Variants in ZBED6 observed in about 807,000 individuals in gnomAD.
ZBED6 encodes zinc finger BED-type containing 6, also known as zinc finger BED domain-containing protein 6.
A neutral mutation model predicts 58.4 loss-of-function variants in ZBED6; 40 were observed. The ratio of observed to expected loss-of-function variants is 0.68; its 90% CI spans 0.53 to 0.89. The LOEUF (loss-of-function observed/expected upper bound fraction) is 0.89. Among genes scored for constraint, ZBED6 ranks in the 40% least tolerant of loss-of-function variants. The probability of loss-of-function intolerance (pLI) is 0.00; values close to 1 mark genes in which losing one functional copy is unlikely to be tolerated. For missense variants in ZBED6, 1,057 were observed against 1,003.9 expected (o/e 1.05, Z -0.71); for synonymous variants, 439 against 350.6 (o/e 1.25, Z -2.82).
chr1:203,800,577 C>A, exon 1 of ZBED6: 2 of 911,646 alleles, frequency 2.2e-6, no homozygotes, highest in Non-Finnish European at 3.0e-6. Context: ...AACCTGAAAT[C>A]ACACAAGGGC....
chr1:203,852,321 G>A lies in ZBED6; in HGVS notation c.*5054G>A, dbSNP rs147044722. ...TATGGGAGATTTCAGGAGGCAAATT[G>A]GAAGCTGAGATTGACCTGGATCCTG... is the stretch of plus-strand genomic sequence containing the variant. On this transcript the variant is annotated 3_prime_UTR_variant, in exon 17 of 17. Coordinates refer to ENST00000550078, the Ensembl canonical transcript of ZBED6. 111 of 1,613,630 alleles carry A rather than the reference G, an allele frequency of 6.9e-5. No homozygotes were observed. In the African/African-American group the frequency reaches 1.3e-3, roughly 19 times the overall value.
chr1:203,821,360 A>C (rs1263980567), intron 3 of ZBED6, among the ~76,000 whole-genome samples: 1 of 152,072 alleles, frequency 6.6e-6, no homozygotes, highest in African/African-American at 2.4e-5. Context: ...CTTTATAGCA[A>C]TGTGAAAATG....
At chr1:203,800,282 T>C (rs1039871704) in exon 1 of ZBED6, 35 of 979,640 alleles carry the variant, frequency 3.6e-5, no homozygotes, top group Non-Finnish European at 5.3e-5. Flanking sequence ...GTATCTTTAC[T>C]AAAAATAGCC....
exon 1 of ZBED6, chr1:203,798,489 A>G (rs1669403696): frequency 6.5e-7 from 1 of 1,536,142 alleles, no homozygotes; most frequent in Non-Finnish European, 8.7e-7. Flanking sequence ...TGTTGCCAAC[A>G]AAGACAGTGG....
At chr1:203,825,897 C>T (rs931507858) in intron 3 of ZBED6, among the ~76,000 whole-genome samples, 1 of 151,932 alleles carries the variant, frequency 6.6e-6, no homozygotes, top group Non-Finnish European at 1.5e-5. Context: ...AAGTTGTCTT[C>T]GTTGCACATA....
At position 203,798,251 on chromosome 1, in the gene ZBED6, AAG is replaced by A. The variant is rs1669305229; in HGVS notation, c.732_733del (p.Gly245GlufsTer7). The A allele has an allele frequency of 1.3e-6, 2 of 1,536,152 alleles. No individual in the cohort carries two copies. Among genetic ancestry groups the A allele is most frequent in the Non-Finnish European group, 1.7e-6 (2 of 1,146,900 alleles). ...CAGCATCTGATGCCCTAAGGGCAGAAAGAGGGAGATTTCTCATCAAAAGTAAC... is the reference window on the plus strand; with the variant it reads ...CAGCATCTGATGCCCTAAGGGCAGAAAGGGAGATTTCTCATCAAAAGTAAC... On this transcript the variant is annotated frameshift_variant, in exon 1 of 17. Coordinates refer to ENST00000550078, the Ensembl canonical transcript of ZBED6. LOFTEE classifies it high-confidence loss of function.
At position 203,799,074 on chromosome 1, in the gene ZBED6, G is replaced by A. The variant is rs554525195; in HGVS notation, c.1552G>A (p.Asp518Asn). The change falls in exon 1 of 17, where the codon GAT becomes AAT. Residue 518 changes from aspartate (D) to asparagine (N), a missense_variant. Transcript: ENST00000550078. The stretch of plus-strand genomic sequence containing the variant: ...TTTTCTCAATAATGGCAGGATCCCC[G>A]ATTTTAGAAAGTGGGCAGTGCTTTG... 1.4e-3 allele frequency: 2,140 copies of A among 1,536,100 alleles called. 1 individual carries two copies. Among genetic ancestry groups the A allele is most frequent in the Non-Finnish European group, 1.7e-3 (1,948 of 1,146,886 alleles).
chr1:203,806,072 G>A (rs1245635231), intron 1 of ZBED6: 8 of 509,736 alleles, frequency 1.6e-5, no homozygotes, highest in Admixed American at 9.1e-5. Context: ...TTTAAAACTC[G>A]CAAGGCTTTC....
intron 16 of ZBED6, 70 bp downstream of exon 16, chr1:203,851,194 C>T: frequency 7.4e-7 from 1 of 1,352,364 alleles, no homozygotes; most frequent in Admixed American, 2.0e-5. Flanking sequence ...TAGAGAATAA[C>T]ACTGATAAAT....
chr1:203,825,792 T>C (rs1457522978), intron 3 of ZBED6, among the ~76,000 whole-genome samples: 1 of 151,984 alleles, frequency 6.6e-6, no homozygotes, highest in Non-Finnish European at 1.5e-5. Context: ...AGTATGCATA[T>C]AGTCACTTGT....
chr1:203,797,357 T>G, exon 1 of ZBED6: 2 of 617,590 alleles, frequency 3.2e-6, no homozygotes, highest in South Asian at 2.7e-5. Flanking sequence ...TGCTGTCAGT[T>G]TTCCTCCAAA....
At chr1:203,839,835 ACT>A (rs569432518) in intron 10 of ZBED6, among the ~76,000 whole-genome samples, 213 of 152,038 alleles carry the variant, frequency 1.4e-3, no homozygotes, top group Middle Eastern at 6.8e-3. Flanking sequence ...ACAGAGTCTC[ACT>A]CTGTCACCCA....
chr1:203,850,296 A>G, intron 14 of ZBED6: 2 of 688,364 alleles, frequency 2.9e-6, no homozygotes, highest in Non-Finnish European at 4.9e-6. Context: ...GGAATAGAGG[A>G]ATGGTAACAA....
chr1:203,832,220 G>A lies in ZBED6; in HGVS notation c.*3510+449G>A, dbSNP rs141607513. 1.8e-3 allele frequency among the ~76,000 whole-genome samples: 277 copies of A among 152,054 alleles called. 7 individuals are homozygous for A. In the East Asian group the frequency reaches 0.043, roughly 23 times the overall value. ...ATTATAGGCATGTGCCACCAAGCCC[G>A]GCTGATTTTTTTGTATTTTTAGTAG... On this transcript the variant is annotated intron_variant, in intron 8 of 16. Coordinates refer to ENST00000550078, the Ensembl canonical transcript of ZBED6.
Position 203,833,868 on chromosome 1 carries a change from G to T in ZBED6, c.*3573+15G>T. ...ATTTTCAGCAGGTAAGATAAGTTTT[G>T]TGTATATCTTTTCTTTTCTACTTGT... On this transcript the variant is annotated intron_variant, in intron 9 of 16. Coordinates refer to ENST00000550078, the Ensembl canonical transcript of ZBED6. 5.0e-6 allele frequency: 8 copies of T among 1,599,974 alleles called. No homozygotes were observed. Among genetic ancestry groups the T allele is most frequent in the Non-Finnish European group, 6.8e-6 (8 of 1,173,528 alleles).
chr1:203,831,934 T>G (rs1682511596), intron 8 of ZBED6, among the ~76,000 whole-genome samples, 163 bp downstream of exon 8: 1 of 152,226 alleles, frequency 6.6e-6, no homozygotes. Flanking sequence ...ACTCTAATAT[T>G]TAAAAGGTTG....
rs2102724345 is a variant in ZBED6, at chr1:203,815,062, T to G, written c.*2555-1864T>G. 2 of 152,124 alleles carry G rather than the reference T, an allele frequency of 1.3e-5. 1 individual carries two copies. Among genetic ancestry groups the G allele is most frequent in the Middle Eastern group, 6.8e-3 (2 of 294 alleles). The allele number at this position is 152,124 out of a possible 1,614,324, so 9.4% of individuals were successfully genotyped here. A position where few individuals can be genotyped will look rare whatever the true frequency, so the allele number is the denominator to read the frequency against. ...CCAGGCTGTTCTCAAACTCCTGACCTCAAGTGATCCACCAGCTTCCACCTC... is the reference window on the plus strand; with the variant it reads ...CCAGGCTGTTCTCAAACTCCTGACCGCAAGTGATCCACCAGCTTCCACCTC... On this transcript the variant is annotated intron_variant, in intron 1 of 16. Coordinates refer to ENST00000550078, the Ensembl canonical transcript of ZBED6.
chr1:203,820,639 G>A (rs1026944273), intron 3 of ZBED6, among the ~76,000 whole-genome samples: 10 of 151,864 alleles, frequency 6.6e-5, no homozygotes, highest in African/African-American at 2.2e-4. Flanking sequence ...CACCACACCC[G>A]TCTAATTTTT....
exon 1 of ZBED6, chr1:203,797,976 A>T (rs1669198143): frequency 6.5e-7 from 1 of 1,535,384 alleles, no homozygotes. Context: ...GGCCATTTGT[A>T]ACCTCTGTGA....
Sources: gnomAD v4.1 joint callset for allele counts (sites outside exome capture counted in the v4.1 genomes callset) on GRCh38, gnomAD v4.1.1 for gene constraint, MANE v1.5 for transcripts, NCBI Gene and HGNC (gene_info 2026-07-23, HGNC 2026-07-21) for gene names.